Variants in PLXNB2 observed in about 807,000 individuals in gnomAD.
PLXNB2 encodes the protein plexin-B2.
PLXNB2 carries 85 observed loss-of-function variants against 202.6 expected under a neutral mutation model. The observed-to-expected ratio is 0.42, with a 90% CI of 0.35 to 0.50. PLXNB2 has a LOEUF of 0.50. Ranked by LOEUF, PLXNB2 falls within the 20% of genes least tolerant of loss-of-function variation. The pLI is 0.02. For missense variants in PLXNB2, 2,063 were observed against 2,586.2 expected (o/e 0.80, Z 4.39); for synonymous variants, 1,239 against 1,137.6 (o/e 1.09, Z -1.79).
Position 50,290,029 on chromosome 22 carries a change from G to T in PLXNB2, c.556C>A (p.Arg186=), listed in dbSNP as rs531070913. Residue 186 remains arginine, a synonymous_variant, in exon 3 of 37, where the codon CGG becomes AGG. Coordinates refer to ENST00000359337, the MANE Select transcript of PLXNB2 (RefSeq NM_012401.4). ...PHDNGIIVST[R]LLDRTDSREA... is the part of the protein sequence containing the mutation. ...CTGCTGTCAGTCCGGTCCAACAGCC[G>T]AGTGCTCACGATGATGCCGTTGTCG... 1 of 1,613,416 alleles carries T rather than the reference G, an allele frequency of 6.2e-7. No homozygotes were observed. Among genetic ancestry groups the T allele is most frequent in the African/African-American group, 1.3e-5 (1 of 75,050 alleles).
intron 8 of PLXNB2, 151 bp from the exon 9 acceptor site, chr22:50,286,438 G>A: frequency 1.6e-6 from 1 of 615,726 alleles, no homozygotes; most frequent in South Asian, 1.9e-5. Flanking sequence ...TGTTGGGCGG[G>A]GCCTGCCACC....
rs766649967 is a variant in PLXNB2 at position 50,283,403 on chromosome 22, C to A, written c.2613G>T (p.Gly871=). ...VIEAAETPFT[G]GVEVDVFGKL... Reference sequence around the variant, plus strand: ...TCCCGAAGACGTCCACCTCGACACCCCCCGTGAAAGGCGTCTCCGCAGCCT... The same window carrying A: ...TCCCGAAGACGTCCACCTCGACACCACCCGTGAAAGGCGTCTCCGCAGCCT... Residue 871 remains glycine (G), a synonymous_variant, in exon 16 of 37, where the codon GGG becomes GGT. Transcript: ENST00000359337. 2.2e-5 allele frequency: 36 copies of A among 1,613,194 alleles called. No individual in the cohort carries two copies. Among genetic ancestry groups the A allele is most frequent in the Non-Finnish European group, 3.4e-6 (4 of 1,179,948 alleles).
Position 50,286,274 on chromosome 22 carries a change from C to A in PLXNB2, c.1776G>T (p.Val592=), listed in dbSNP as rs1195171785. The A allele has an allele frequency of 6.2e-7, 1 of 1,612,624 alleles. No homozygotes were observed. The highest frequency in any genetic ancestry group is 1.7e-5 in the Admixed American group (1 of 60,030). Residue 592 remains valine, a synonymous_variant, in exon 9 of 37, where the codon GTG becomes GTT. Transcript: ENST00000359337. ...VTPPGQDHVA[V]TIQLLLRRGN... ...CTCGTCTAAGGAGGAGCTGGATGGT[C>A]ACGGCCACGTGGTCTGCAGACAGCA...
At chr22:50,279,475 C>A (rs1351009498) in intron 27 of PLXNB2, among the ~76,000 whole-genome samples, 155 bp downstream of exon 27, 1 of 152,152 alleles carries the variant, frequency 6.6e-6, no homozygotes, top group Non-Finnish European at 1.5e-5. Context: ...GCACCCAGGC[C>A]CCTCCCTGAG....
intron 1 of PLXNB2, among the ~76,000 whole-genome samples, chr22:50,304,446 A>C (rs1204636564): frequency 6.6e-6 from 1 of 152,158 alleles, no homozygotes; most frequent in Non-Finnish European, 1.5e-5. Flanking sequence ...TTGAGGCCAC[A>C]CCTGTGGCTG....
Position 50,295,463 on chromosome 22 carries a change from C to T in PLXNB2, c.-73-685G>A, listed in dbSNP as rs144528257. ...TGGAGACAGAATGGTGAGCTACCCC[C>T]AGAGGTTTACAAGGACTAAATGAAT... On this transcript the variant is annotated intron_variant, in intron 1 of 36. Coordinates refer to ENST00000359337, the MANE Select transcript of PLXNB2 (RefSeq NM_012401.4). Among the ~76,000 whole-genome samples the T allele has an allele frequency of 3.1e-3, 476 of 152,278 alleles. 3 individuals carry two copies. The highest frequency in any genetic ancestry group is 0.011 in the African/African-American group (444 of 41,552).
intron 28 of PLXNB2, 41 bp downstream of exon 28, chr22:50,278,814 C>T: frequency 1.2e-6 from 2 of 1,601,524 alleles, no homozygotes; most frequent in South Asian, 1.1e-5. Flanking sequence ...AGGCCAGGCA[C>T]ATGGGCGCCT....
At chr22:50,283,315 G>A in intron 16 of PLXNB2, 22 bp downstream of exon 16, 3 of 1,610,900 alleles carry the variant, frequency 1.9e-6, no homozygotes, top group African/African-American at 2.7e-5. Flanking sequence ...GGTTCGGCAG[G>A]TCCCCGAGGC....
At chr22:50,292,629 C>A (rs1481656072) in intron 2 of PLXNB2, among the ~76,000 whole-genome samples, 1 of 152,176 alleles carries the variant, frequency 6.6e-6, no homozygotes, top group African/African-American at 2.4e-5. Context: ...CCCAGGAGGG[C>A]AGGGGAGCCC....
chr22:50,284,591 G>A lies in PLXNB2; in HGVS notation c.2163C>T (p.Phe721=), dbSNP rs372150888. ...EPVTMQESGT[F]AFRTPKLSHD... Reference sequence around the variant, plus strand: ...GCCGTACCTTTGGGGTCCGAAAGGCGAAGGTCCCAGATTCCTGCATGGTCA... The same window carrying A: ...GCCGTACCTTTGGGGTCCGAAAGGCAAAGGTCCCAGATTCCTGCATGGTCA... Residue 721 remains phenylalanine (F), a synonymous_variant, in exon 12 of 37, where the codon TTC becomes TTT. Coordinates refer to ENST00000359337, the MANE Select transcript of PLXNB2 (RefSeq NM_012401.4). This position sits in a 1 kb window ranked among gnomAD's most constrained non-coding sequence, Gnocchi z 8.0. 283 of 1,610,674 alleles carry A rather than the reference G, an allele frequency of 1.8e-4. No homozygotes were observed. The highest frequency in any genetic ancestry group is 2.6e-4 in the South Asian group (24 of 91,024).
In PLXNB2 at chr22:50,291,856, G is replaced by C. The variant is rs1456262918; in HGVS notation, c.-13-1259C>G. Among the ~76,000 whole-genome samples, 13 of 152,168 alleles carry C rather than the reference G, an allele frequency of 8.5e-5. No individual in the cohort carries two copies. Among genetic ancestry groups the C allele is most frequent in the Admixed American group, 8.5e-4 (13 of 15,286 alleles). ...TGTCCAGGGCAGCCCTGCCATGGCA[G>C]GTGCCAAGGGGGTCCAGACTCGATG... On this transcript the variant is annotated intron_variant, in intron 2 of 36. Coordinates refer to ENST00000359337, the MANE Select transcript of PLXNB2 (RefSeq NM_012401.4). The surrounding 1 kb of genome is among the most constrained non-coding windows in gnomAD (Gnocchi z 4.3).
rs1006690528 is a variant in PLXNB2, at chr22:50,277,847, C to G, written c.5048+6G>C. 1.2e-6 allele frequency: 2 copies of G among 1,612,258 alleles called. No homozygotes were observed. The highest frequency in any genetic ancestry group is 8.5e-7 in the Non-Finnish European group (1 of 1,179,494). On this transcript the variant is annotated splice_donor_region_variant and intron_variant, in intron 32 of 36. Transcript: ENST00000359337. ...GCTGGGCCGCGGGGTGGGTGTGGAG[C>G]CTCACCTGTTCGTCTTCCAGATGTG...
chr22:50,280,463 C>G, intron 25 of PLXNB2, 26 bp downstream of exon 25: 3 of 1,576,680 alleles, frequency 1.9e-6, no homozygotes, highest in Non-Finnish European at 2.6e-6. Flanking sequence ...GCCCGTGGCC[C>G]CGCTCGTGGC....
chr22:50,300,013 G>A (rs923889662), intron 1 of PLXNB2, among the ~76,000 whole-genome samples: 2 of 152,090 alleles, frequency 1.3e-5, no homozygotes, highest in Admixed American at 1.3e-4. Context: ...GCAGGGACTA[G>A]GCCCGCGCCT....
chr22:50,288,881 C>A lies in PLXNB2; in HGVS notation c.1252-10G>T, dbSNP rs766376084. ...CTGGGGTGAGGTACACCTGTGTGCG[C>A]GAGGGCAGGCCGGTGAGGGTACGGG... is the stretch of plus-strand genomic sequence containing the variant. On this transcript the variant is annotated splice_polypyrimidine_tract_variant and intron_variant, in intron 4 of 36. Coordinates refer to ENST00000359337, the MANE Select transcript of PLXNB2 (RefSeq NM_012401.4). This position sits in a 1 kb window ranked among gnomAD's most constrained non-coding sequence, Gnocchi z 5.0. 6.2e-6 allele frequency: 10 copies of A among 1,613,002 alleles called. No individual in the cohort carries two copies. The highest frequency in any genetic ancestry group is 8.5e-6 in the Non-Finnish European group (10 of 1,179,842).
At chr22:50,292,904 C>T (rs1280467360) in intron 2 of PLXNB2, among the ~76,000 whole-genome samples, 1 of 152,186 alleles carries the variant, frequency 6.6e-6, no homozygotes, top group Non-Finnish European at 1.5e-5. Context: ...GCAGCTCCTG[C>T]CCGGCACAGA....
chr22:50,281,138 C>T lies in PLXNB2; in HGVS notation c.3714G>A (p.Leu1238=), dbSNP rs1274930834. ...EREYEKIKSQ[L]EGLEESVRDR... ...CCCGCACGCTCTCCTCCAGGCCCTC[C>T]AGCTGGGACTTGATCTTCTCATACT... is the stretch of plus-strand genomic sequence containing the variant. Residue 1238 remains leucine, a synonymous_variant, in exon 23 of 37, where the codon CTG becomes CTA. Coordinates refer to ENST00000359337, the MANE Select transcript of PLXNB2 (RefSeq NM_012401.4). The T allele has an allele frequency of 1.2e-6, 2 of 1,613,376 alleles. No homozygotes were observed. The highest frequency in any genetic ancestry group is 2.2e-5 in the South Asian group (2 of 91,084).
At chr22:50,306,670 G>A (rs1169792976) in intron 1 of PLXNB2, among the ~76,000 whole-genome samples, 5 of 150,916 alleles carry the variant, frequency 3.3e-5, no homozygotes, top group Admixed American at 2.0e-4. Context: ...GGGATCTGCC[G>A]GGTTTGGGGC....
At chr22:50,287,366 G>A (rs2066532326) in intron 7 of PLXNB2, 102 bp from the exon 8 acceptor site, 2 of 1,310,654 alleles carry the variant, frequency 1.5e-6, no homozygotes, top group South Asian at 1.5e-5. Flanking sequence ...CGTCCCAGTG[G>A]AGCCTCCAGA....
Sources: gnomAD v4.1 joint callset for allele counts (sites outside exome capture counted in the v4.1 genomes callset) on GRCh38, gnomAD v4.1.1 for gene constraint, Gnocchi (gnomAD v3.1) non-coding constraint, MANE v1.5 for transcripts, NCBI Gene and HGNC (gene_info 2026-07-23, HGNC 2026-07-21) for gene names.